DOCK1: variants seen among roughly 807,000 people sequenced by gnomAD.
DOCK1 encodes the protein dedicator of cytokinesis protein 1.
In DOCK1, 138 loss-of-function variants were observed where a neutral mutation model predicts 262.7. The observed-to-expected ratio is 0.53, with a 90% CI of 0.46 to 0.61. The LOEUF (loss-of-function observed/expected upper bound fraction) is 0.61. Among genes scored for constraint, DOCK1 ranks in the 20% least tolerant of loss-of-function variants. DOCK1 has a pLI of 0.00. For synonymous variants in DOCK1, 866 were observed against 867.4 expected, an observed-to-expected ratio of 1.00 and a Z score of 0.03; for missense variants, 1,908 against 2,370.7, an observed-to-expected ratio of 0.80 and a Z score of 4.05.
chr10:127,042,733 T>C lies in DOCK1; in HGVS notation c.2100+19T>C, dbSNP rs757689749. On this transcript the variant is annotated intron_variant, in intron 20 of 51. Coordinates refer to ENST00000623213, the MANE Select transcript of DOCK1 (RefSeq NM_001290223.2). ...TGCTCTGGTAAGAGAGCTTTCCTTC[T>C]CATATGCTTGGATAACACAGCGTTC... is the stretch of plus-strand genomic sequence containing the variant. 6.2e-7 allele frequency: 1 copy of C among 1,612,286 alleles called. No homozygotes were observed. The highest frequency in any genetic ancestry group is 8.5e-7 in the Non-Finnish European group (1 of 1,178,418).
intron 51 of DOCK1, among the ~76,000 whole-genome samples, chr10:127,449,304 T>A (rs2050325): frequency 0.99 from 151,286 of 152,282 alleles, 75,152 homozygotes; most frequent in Non-Finnish European, 1. Context: ...TCACATTCTC[T>A]TCTCTCTATT....
chr10:127,410,970 TCCGCCA>T (rs779908650), intron 43 of DOCK1, 46 bp downstream of exon 43: 1 of 1,581,414 alleles, frequency 6.3e-7, no homozygotes, highest in East Asian at 2.3e-5. Context: ...AAAATATCAT[TCCGCCA>T]CCAGTAGAAC....
chr10:127,439,473 C>T (rs920633045), intron 49 of DOCK1, among the ~76,000 whole-genome samples: 11 of 152,064 alleles, frequency 7.2e-5, no homozygotes, highest in African/African-American at 2.2e-4. Flanking sequence ...GGGGCGAGGC[C>T]GCTCTGCTGC....
intron 29 of DOCK1, among the ~76,000 whole-genome samples, chr10:127,263,732 A>G (rs1449162231): frequency 6.6e-6 from 1 of 151,882 alleles, no homozygotes; most frequent in Non-Finnish European, 1.5e-5. Flanking sequence ...GCTCGGATTC[A>G]CGCTTTGTGT....
intron 23 of DOCK1, among the ~76,000 whole-genome samples, chr10:127,094,883 G>A (rs1001175690): frequency 6.6e-5 from 10 of 152,186 alleles, no homozygotes; most frequent in Non-Finnish European, 1.2e-4. Flanking sequence ...TCATTTGGAA[G>A]TCACGCTTTG....
At chr10:127,088,143 C>G (rs1341699729) in intron 23 of DOCK1, among the ~76,000 whole-genome samples, 1 of 152,132 alleles carries the variant, frequency 6.6e-6, no homozygotes, top group Admixed American at 6.5e-5. Context: ...CACCAAGGGC[C>G]TCATATTTTT....
intron 51 of DOCK1, among the ~76,000 whole-genome samples, 180 bp downstream of exon 51, chr10:127,447,725 G>A (rs1255588673): frequency 6.6e-6 from 1 of 152,198 alleles, no homozygotes; most frequent in Non-Finnish European, 1.5e-5. Context: ...ACTCCAGTGG[G>A]TAAGATCTGT....
At chr10:127,134,578 A>G (rs531893265) in intron 27 of DOCK1, among the ~76,000 whole-genome samples, 1 of 152,104 alleles carries the variant, frequency 6.6e-6, no homozygotes, top group African/African-American at 2.4e-5. Context: ...GGCACCCTTC[A>G]TTGTATCTGG....
At chr10:127,105,141 C>T (rs990947434) in intron 23 of DOCK1, among the ~76,000 whole-genome samples, 1 of 152,180 alleles carries the variant, frequency 6.6e-6, no homozygotes, top group Non-Finnish European at 1.5e-5. Context: ...TTGTTGCCTG[C>T]TGCCATGTAA....
At chr10:127,218,236 A>C (rs1016896622) in intron 27 of DOCK1, among the ~76,000 whole-genome samples, 1 of 152,254 alleles carries the variant, frequency 6.6e-6, no homozygotes, top group Admixed American at 6.5e-5. Context: ...GAGACTTAAC[A>C]ATTGAAATTG....
intron 33 of DOCK1, among the ~76,000 whole-genome samples, chr10:127,372,104 C>T (rs766190020): frequency 6.6e-6 from 1 of 152,190 alleles, no homozygotes; most frequent in South Asian, 2.1e-4. Context: ...GAGAGATTCA[C>T]TAAGGTCCGG....
intron 35 of DOCK1, among the ~76,000 whole-genome samples, chr10:127,374,843 G>A (rs577573121): frequency 1.4e-4 from 22 of 152,296 alleles, no homozygotes; most frequent in South Asian, 1.0e-3. Context: ...AGAAGCCTGC[G>A]GAGGCCAGGA....
chr10:127,002,621 C>T (rs2040673845), intron 10 of DOCK1, among the ~76,000 whole-genome samples: 1 of 152,108 alleles, frequency 6.6e-6, no homozygotes, highest in Admixed American at 6.6e-5. Flanking sequence ...TTACAGAAGC[C>T]TGGGTTATTC....
chr10:127,142,084 T>C (rs2051317211), intron 27 of DOCK1, among the ~76,000 whole-genome samples: 2 of 152,150 alleles, frequency 1.3e-5, no homozygotes, highest in Non-Finnish European at 2.9e-5. Context: ...GAGAGTTACT[T>C]TGTCCCCTTT....
At chr10:127,432,956 C>G (rs1305981152) in intron 47 of DOCK1, among the ~76,000 whole-genome samples, 1 of 152,190 alleles carries the variant, frequency 6.6e-6, no homozygotes, top group African/African-American at 2.4e-5. Flanking sequence ...CTAGGTGTTA[C>G]TCTACATTAA....
intron 19 of DOCK1, 30 bp downstream of exon 19, chr10:127,037,846 GTCT>G (rs771837845): frequency 3.9e-5 from 54 of 1,401,150 alleles, no homozygotes; most frequent in South Asian, 1.8e-4. Context: ...GACTTTTTGG[GTCT>G]TTTTTTTTTT....
intron 1 of DOCK1, among the ~76,000 whole-genome samples, chr10:126,934,517 C>G (rs979686812): frequency 1.3e-5 from 2 of 152,226 alleles, no homozygotes; most frequent in African/African-American, 4.8e-5. Flanking sequence ...TGCAAATACC[C>G]AAAGACGAGT....
intron 1 of DOCK1, among the ~76,000 whole-genome samples, chr10:126,913,783 C>T (rs1489379723): frequency 6.6e-6 from 1 of 152,174 alleles, no homozygotes; most frequent in African/African-American, 2.4e-5. Context: ...GAAAAAGATG[C>T]TTTCTCTTGG....
chr10:127,122,651 T>A (rs191605811), intron 25 of DOCK1, among the ~76,000 whole-genome samples: 1 of 150,982 alleles, frequency 6.6e-6, no homozygotes, highest in African/African-American at 2.4e-5. Context: ...TTTTTACATC[T>A]TCTTGGGGGC....
Sources: gnomAD v4.1 joint callset for allele counts (sites outside exome capture counted in the v4.1 genomes callset) on GRCh38, gnomAD v4.1.1 for gene constraint, MANE v1.5 for transcripts, NCBI Gene and HGNC (gene_info 2026-07-23, HGNC 2026-07-21) for gene names.